BIRC6: variants seen among roughly 807,000 people sequenced by gnomAD.
The protein encoded by BIRC6 is dual E2 ubiquitin-conjugating enzyme/E3 ubiquitin-protein ligase BIRC6.
BIRC6 carries 98 observed loss-of-function variants against 503.3 expected under a neutral mutation model. The ratio of observed to expected loss-of-function variants is 0.19; its 90% CI spans 0.17 to 0.23. The LOEUF (loss-of-function observed/expected upper bound fraction) is 0.23. Among genes scored for constraint, BIRC6 ranks in the 10% least tolerant of loss-of-function variants. The pLI is 1.00. For synonymous variants in BIRC6, 2,240 were observed against 2,078.7 expected (o/e 1.08, Z -2.11); for missense variants, 5,360 against 5,806.0 (o/e 0.92, Z 2.50).
intron 16 of BIRC6, among the ~76,000 whole-genome samples, chr2:32,440,376 T>A (rs1057045301): frequency 1.3e-5 from 2 of 152,144 alleles, no homozygotes; most frequent in African/African-American, 4.8e-5. Flanking sequence ...GAAAGAGAAG[T>A]TGGGGCGTAA....
Position 32,362,952 on chromosome 2 carries a change from T to C in BIRC6, c.325+5466T>C, listed in dbSNP as rs1012340094. ...GTACTAATTGTGAGAATTAAGTGAT[T>C]ATGCATGTAAAGTGTTTGCAGCAGT... On this transcript the variant is annotated intron_variant, in intron 1 of 73. Transcript: ENST00000421745. Among the ~76,000 whole-genome samples, 54 of 152,218 alleles carry C rather than the reference T, an allele frequency of 3.5e-4. 1 individual carries two copies. Among genetic ancestry groups the C allele is most frequent in the African/African-American group, 1.3e-3 (52 of 41,464 alleles).
intron 23 of BIRC6, among the ~76,000 whole-genome samples, chr2:32,455,261 T>G (rs912414158): frequency 2.6e-5 from 4 of 151,184 alleles, no homozygotes; most frequent in African/African-American, 9.7e-5. Context: ...GTGCCTGTAG[T>G]CCCAGCTACT....
At chr2:32,568,988 T>C (rs889889192) in intron 65 of BIRC6, among the ~76,000 whole-genome samples, 1 of 147,004 alleles carries the variant, frequency 6.8e-6, no homozygotes, top group African/African-American at 2.5e-5. Context: ...CTCTCTCTTT[T>C]TTTTTTTTTT....
At chr2:32,594,748 T>G (rs563926243) in intron 67 of BIRC6, among the ~76,000 whole-genome samples, 13 of 148,588 alleles carry the variant, frequency 8.7e-5, no homozygotes, top group African/African-American at 3.4e-4. Flanking sequence ...GGATAGATAT[T>G]TTCCTATGTT....
At chr2:32,478,167 T>C (rs2049981585) in intron 35 of BIRC6, among the ~76,000 whole-genome samples, 1 of 151,770 alleles carries the variant, frequency 6.6e-6, no homozygotes, top group Admixed American at 6.6e-5. Context: ...TGAAAACCCG[T>C]CCTTACTAAA....
At chr2:32,599,937 GA>G (rs766797645) in intron 70 of BIRC6, 37 bp downstream of exon 70, 1 of 1,585,674 alleles carries the variant, frequency 6.3e-7, no homozygotes, top group East Asian at 2.3e-5. Context: ...AAATGCCAAT[GA>G]TTGTATACAA....
At chr2:32,582,341 C>T (rs1357772238) in intron 66 of BIRC6, among the ~76,000 whole-genome samples, 3 of 152,034 alleles carry the variant, frequency 2.0e-5, no homozygotes, top group Non-Finnish European at 1.5e-5. Context: ...GTAAGTAAAA[C>T]CCTGATATAT....
intron 65 of BIRC6, among the ~76,000 whole-genome samples, chr2:32,560,048 G>A (rs540036167): frequency 4.6e-5 from 7 of 152,086 alleles, no homozygotes; most frequent in Admixed American, 2.0e-4. Context: ...TAATAAATCC[G>A]ATATAAATAA....
intron 65 of BIRC6, among the ~76,000 whole-genome samples, chr2:32,572,870 A>G (rs1194937804): frequency 6.6e-6 from 1 of 152,264 alleles, no homozygotes; most frequent in South Asian, 2.1e-4. Context: ...TTAAGCTCTG[A>G]TAGTCTCTAT....
At chr2:32,366,245 T>A (rs1375038639) in intron 1 of BIRC6, among the ~76,000 whole-genome samples, 1 of 152,226 alleles carries the variant, frequency 6.6e-6, no homozygotes. Context: ...TGGGCTTTCT[T>A]TCCCTGCTGG....
At chr2:32,464,413 T>A in intron 24 of BIRC6, 96 bp from the exon 25 acceptor site, 1 of 1,335,742 alleles carries the variant, frequency 7.5e-7, no homozygotes, top group Non-Finnish European at 9.9e-7. Flanking sequence ...ATCAATTTAA[T>A]CATGTTTATC....
At chr2:32,461,417 G>A (rs901672137) in intron 23 of BIRC6, among the ~76,000 whole-genome samples, 6 of 148,938 alleles carry the variant, frequency 4.0e-5, no homozygotes, top group Non-Finnish European at 8.9e-5. Context: ...TGTTGACCAA[G>A]CTGGTCTTGA....
At chr2:32,489,262 C>G (rs1170990534) in intron 42 of BIRC6, among the ~76,000 whole-genome samples, 4 of 151,948 alleles carry the variant, frequency 2.6e-5, no homozygotes, top group Non-Finnish European at 1.5e-5. Context: ...GTTCCTGATG[C>G]TTTCTCTCTA....
At chr2:32,372,945 A>G (rs1399190007) in intron 1 of BIRC6, among the ~76,000 whole-genome samples, 1 of 152,206 alleles carries the variant, frequency 6.6e-6, no homozygotes, top group Non-Finnish European at 1.5e-5. Context: ...ATAAGCTTTT[A>G]TGTCTCCAGG....
At chr2:32,581,913 A>C (rs190033838) in intron 66 of BIRC6, among the ~76,000 whole-genome samples, 2 of 152,276 alleles carry the variant, frequency 1.3e-5, no homozygotes, top group African/African-American at 4.8e-5. Flanking sequence ...CCCAGGATGG[A>C]GAGCAGTGGT....
At chr2:32,413,302 T>G (rs1405088751) in intron 9 of BIRC6, among the ~76,000 whole-genome samples, 1 of 150,740 alleles carries the variant, frequency 6.6e-6, no homozygotes, top group Non-Finnish European at 1.5e-5. Flanking sequence ...AGCCCCAGCC[T>G]CCTGAGTAGC....
chr2:32,381,858 C>A (rs2037710070), intron 3 of BIRC6, among the ~76,000 whole-genome samples: 1 of 152,040 alleles, frequency 6.6e-6, no homozygotes, highest in African/African-American at 2.4e-5. Flanking sequence ...TGCTTTTTTT[C>A]ACTCAAGAAT....
At chr2:32,390,167 C>CT (rs1028240263) in intron 4 of BIRC6, among the ~76,000 whole-genome samples, 3 of 149,444 alleles carry the variant, frequency 2.0e-5, no homozygotes, top group Non-Finnish European at 3.0e-5. Context: ...GCCAAATTTT[C>CT]TTTTTTTTAT....
Position 32,553,262 on chromosome 2 carries a change from G to T in BIRC6, c.13144+3781G>T, listed in dbSNP as rs2058559957. On this transcript the variant is annotated intron_variant, in intron 65 of 73. Transcript: ENST00000421745. ...TAAATTCCTGATATTTCATCTTTTT[G>T]AATTTACTGTTTCTAGCAAAAGATT... Among the ~76,000 whole-genome samples, 6 of 92,484 alleles carry T rather than the reference G, an allele frequency of 6.5e-5. No individual in the cohort carries two copies. The South Asian group carries it at 3.7e-3, about 57-fold the overall frequency. The allele number at this position is 92,484 out of a possible 152,430, so 60.7% of individuals were successfully genotyped here. A position where few individuals can be genotyped will look rare whatever the true frequency, so the allele number is the denominator to read the frequency against.
Sources: gnomAD v4.1 joint callset for allele counts (sites outside exome capture counted in the v4.1 genomes callset) on GRCh38, gnomAD v4.1.1 for gene constraint, MANE v1.5 for transcripts, NCBI Gene and HGNC (gene_info 2026-07-23, HGNC 2026-07-21) for gene names.